The following MESD variants were observed in gnomAD, a reference collection of about 807,000 sequenced individuals.
The protein encoded by MESD is LRP chaperone MESD.
In MESD, 7 loss-of-function variants were observed where a neutral mutation model predicts 12.9. That is an observed-to-expected ratio of 0.54 (90% CI 0.31 to 1.02). The LOEUF (loss-of-function observed/expected upper bound fraction) is 1.02, where lower values mean the gene tolerates loss of function less well. Among genes scored for constraint, MESD ranks in the 50% least tolerant of loss-of-function variants. MESD has a pLI of 0.05. For synonymous variants in MESD, 126 were observed against 115.6 expected, an observed-to-expected ratio of 1.09 and a Z score of -0.58; for missense variants, 342 against 296.7, an observed-to-expected ratio of 1.15 and a Z score of -1.12.
intron 3 of MESD, among the ~76,000 whole-genome samples, chr15:80,955,142 A>G (rs943798422): frequency 6.6e-6 from 1 of 151,770 alleles, no homozygotes; most frequent in Non-Finnish European, 1.5e-5. Flanking sequence ...ACTAGAAAAA[A>G]AAAAAAAAGT....
At chr15:80,949,275 C>T (rs1901715072) in intron 4 of MESD, 1 of 378,268 alleles carries the variant, frequency 2.6e-6, no homozygotes, top group East Asian at 6.5e-5. Context: ...TTGGCAGGAG[C>T]CCTGACCCAG....
chr15:80,987,431 CAGATACGTAAAACTA>C (rs745864597), intron 1 of MESD, among the ~76,000 whole-genome samples: 64 of 152,092 alleles, frequency 4.2e-4, no homozygotes, highest in Non-Finnish European at 6.8e-4. Context: ...TCTGGCTTTA[CAGATACGTAAAACTA>C]GGATGAAGTA....
intron 3 of MESD, among the ~76,000 whole-genome samples, chr15:80,962,815 T>C (rs1372458996): frequency 1.3e-5 from 2 of 152,102 alleles, no homozygotes; most frequent in Non-Finnish European, 2.9e-5. Flanking sequence ...TGTACCAGAA[T>C]CTGAGGGACA....
At chr15:80,962,755 G>T (rs1902110023) in intron 3 of MESD, among the ~76,000 whole-genome samples, 1 of 152,174 alleles carries the variant, frequency 6.6e-6, no homozygotes, top group African/African-American at 2.4e-5. Flanking sequence ...ATAATGAAAT[G>T]AAGGCAGAAA....
At chr15:80,948,220 G>A (rs1901648845) in exon 5 of MESD, 1 of 174,574 alleles carries the variant, frequency 5.7e-6, no homozygotes, top group Non-Finnish European at 1.2e-5. Flanking sequence ...GGATTCCCAT[G>A]CCCCTCGGAT....
chr15:80,967,216 C>T (rs1247416613), intron 3 of MESD, among the ~76,000 whole-genome samples: 4 of 151,628 alleles, frequency 2.6e-5, no homozygotes, highest in South Asian at 2.1e-4. Flanking sequence ...CACTTGAACC[C>T]GGGAGGTGGA....
intron 1 of MESD, among the ~76,000 whole-genome samples, chr15:80,985,095 T>C (rs1300099219): frequency 6.6e-6 from 1 of 152,184 alleles, no homozygotes; most frequent in Non-Finnish European, 1.5e-5. Flanking sequence ...CACACTAACC[T>C]TCTTTTCCAC....
chr15:80,948,705 GTGGGGGGCTGGCGA>G (rs1324061500), exon 5 of MESD: 7 of 1,558,920 alleles, frequency 4.5e-6, no homozygotes, highest in Non-Finnish European at 6.2e-6. Flanking sequence ...CCTGGTGGGC[GTGGGGGGCTGGCGA>G]TGGGGAGCCA....
In MESD at chr15:80,948,816, C is replaced by T. The variant is rs200885891; in HGVS notation, c.*709G>A. On this transcript the variant is annotated 3_prime_UTR_variant, in exon 5 of 5. Coordinates refer to the MESD transcript ENST00000561312. ...TTTCAGAGCAAATGGCATTCGTTGG[C>T]TTCAAAGGCAGCTTCCGGCCCATCT... 2.7e-5 allele frequency: 43 copies of T among 1,614,202 alleles called. No individual in the cohort carries two copies. In the Middle Eastern group the frequency reaches 6.6e-4, roughly 25 times the overall value.
chr15:80,989,333 G>A (rs892338575), intron 1 of MESD, among the ~76,000 whole-genome samples: 1 of 152,180 alleles, frequency 6.6e-6, no homozygotes, highest in African/African-American at 2.4e-5. Context: ...TGATTGAAGT[G>A]GTTTGAGAAA....
At chr15:80,972,214 C>T (rs1902303306), downstream of MESD, among the ~76,000 whole-genome samples, 1 of 152,230 alleles carries the variant, frequency 6.6e-6, no homozygotes, top group African/African-American at 2.4e-5. Flanking sequence ...GGAAAAGTTT[C>T]TCATAGGAAT....
At chr15:80,960,093 G>C (rs1342789038) in intron 3 of MESD, among the ~76,000 whole-genome samples, 4 of 152,218 alleles carry the variant, frequency 2.6e-5, no homozygotes. Flanking sequence ...TCCAGGCGTG[G>C]TGGCTCACAC....
chr15:80,964,895 G>C (rs1902148544), intron 3 of MESD, among the ~76,000 whole-genome samples: 1 of 152,172 alleles, frequency 6.6e-6, no homozygotes, highest in South Asian at 2.1e-4. Flanking sequence ...ATAGGCATGG[G>C]CAAAGACTTC....
At chr15:80,958,233 C>A (rs1295130973) in intron 3 of MESD, among the ~76,000 whole-genome samples, 3 of 152,152 alleles carry the variant, frequency 2.0e-5, no homozygotes, top group Non-Finnish European at 4.4e-5. Context: ...CTGGGTCAGG[C>A]TGCTACTAGA....
chr15:80,971,222 G>A (rs1011635886), downstream of MESD, among the ~76,000 whole-genome samples: 37 of 152,174 alleles, frequency 2.4e-4, no homozygotes, highest in African/African-American at 8.9e-4. Context: ...TCCAAGCCCT[G>A]GCCTCACCCT....
chr15:80,979,041 C>T lies in MESD; in HGVS notation c.*178G>A. ...TAATTAGAAAACATCTGTCTTCTTA[C>T]TTGAAGCCTATTAAGCAGTAATTCT... On this transcript the variant is annotated 3_prime_UTR_variant, in exon 3 of 3. Coordinates refer to ENST00000261758, the MANE Select transcript of MESD (RefSeq NM_015154.3). 1 of 753,074 alleles carries T rather than the reference C, an allele frequency of 1.3e-6. No individual in the cohort carries two copies. Among genetic ancestry groups the T allele is most frequent in the Non-Finnish European group, 2.1e-6 (1 of 471,082 alleles). The allele number at this position is 753,074 out of a possible 1,614,324, so 46.6% of individuals were successfully genotyped here.
intron 3 of MESD, among the ~76,000 whole-genome samples, chr15:80,968,736 T>C (rs1021690097): frequency 2.6e-5 from 4 of 152,248 alleles, no homozygotes; most frequent in African/African-American, 9.6e-5. Flanking sequence ...AAATGGGAAC[T>C]TTTATTAGCA....
intron 3 of MESD, among the ~76,000 whole-genome samples, chr15:80,962,304 A>G (rs1315026707): frequency 6.6e-6 from 1 of 152,242 alleles, no homozygotes; most frequent in Non-Finnish European, 1.5e-5. Context: ...TCCTAAATAT[A>G]TATGCACCCA....
At chr15:80,951,832 A>AACTT (rs1439621865) in intron 4 of MESD, 5 of 156,392 alleles carry the variant, frequency 3.2e-5, no homozygotes, top group African/African-American at 9.6e-5. Flanking sequence ...TAGGGATAAT[A>AACTT]ACTTATCTAA....
Sources: allele counts gnomAD v4.1 joint callset (sites outside exome capture counted in the v4.1 genomes callset), GRCh38; gene constraint gnomAD v4.1.1; transcripts MANE v1.5; gene names NCBI Gene and HGNC (gene_info 2026-07-23, HGNC 2026-07-21).